GNAQ: variants seen among roughly 807,000 people sequenced by gnomAD.
GNAQ encodes guanine nucleotide-binding protein G(q) subunit alpha.
A neutral mutation model predicts 43.9 loss-of-function variants in GNAQ; 8 were observed. The observed-to-expected ratio is 0.18, with a 90% confidence interval of 0.11 to 0.33. The LOEUF (loss-of-function observed/expected upper bound fraction) is 0.33, where lower values mean the gene tolerates loss of function less well. Ranked by LOEUF, GNAQ falls within the 10% of genes least tolerant of loss-of-function variation. The probability of loss-of-function intolerance (pLI) is 1.00; values close to 1 mark genes in which losing one functional copy is unlikely to be tolerated. For missense variants in GNAQ, 158 were observed against 450.8 expected, an observed-to-expected ratio of 0.35 and a Z score of 5.88; for synonymous variants, 155 against 170.7, an observed-to-expected ratio of 0.91 and a Z score of 0.71.
At chr9:77,864,551 T>C (rs965085682) in intron 2 of GNAQ, among the ~76,000 whole-genome samples, 1 of 152,052 alleles carries the variant, frequency 6.6e-6, no homozygotes, top group African/African-American at 2.4e-5. Context: ...ATGGACCTGA[T>C]CCCTGCTGCT....
chr9:77,851,608 C>G (rs1827676717), intron 2 of GNAQ, among the ~76,000 whole-genome samples: 1 of 152,204 alleles, frequency 6.6e-6, no homozygotes, highest in Non-Finnish European at 1.5e-5. Flanking sequence ...TATTACGTAT[C>G]TCTGCTCTAG....
chr9:77,914,909 T>C (rs1306378999), intron 2 of GNAQ, among the ~76,000 whole-genome samples: 4 of 151,968 alleles, frequency 2.6e-5, no homozygotes, highest in East Asian at 1.9e-4. Context: ...AAAAAATCTC[T>C]ATTGGGCTGG....
chr9:77,776,405 T>G (rs1243587502), intron 5 of GNAQ, among the ~76,000 whole-genome samples: 1 of 152,318 alleles, frequency 6.6e-6, no homozygotes, highest in African/African-American at 2.4e-5. Flanking sequence ...ATGCAAACAG[T>G]AACCAAAAGA....
At chr9:77,864,776 G>A (rs1373393995) in intron 2 of GNAQ, among the ~76,000 whole-genome samples, 1 of 152,194 alleles carries the variant, frequency 6.6e-6, no homozygotes. Context: ...CGTTACAGCA[G>A]CAATAGGAAA....
At chr9:77,829,474 C>T (rs1827261723) in intron 2 of GNAQ, among the ~76,000 whole-genome samples, 1 of 152,200 alleles carries the variant, frequency 6.6e-6, no homozygotes, top group African/African-American at 2.4e-5. Context: ...AAGCCAAGGA[C>T]ACATCTGACT....
chr9:77,818,835 A>G (rs943379491), intron 2 of GNAQ, among the ~76,000 whole-genome samples: 2 of 151,918 alleles, frequency 1.3e-5, no homozygotes, highest in African/African-American at 2.4e-5. Flanking sequence ...CCCCATCTCT[A>G]TAAAAAACAG....
chr9:77,736,096 G>T (rs1257523392), intron 5 of GNAQ, among the ~76,000 whole-genome samples: 1 of 152,182 alleles, frequency 6.6e-6, no homozygotes, highest in African/African-American at 2.4e-5. Context: ...CCCTGGAACT[G>T]CACCTAGTTA....
At chr9:77,742,021 T>C (rs971384598) in intron 5 of GNAQ, among the ~76,000 whole-genome samples, 3 of 152,238 alleles carry the variant, frequency 2.0e-5, no homozygotes, top group Non-Finnish European at 2.9e-5. Context: ...TGATTTATTT[T>C]GTCCATGTTC....
intron 1 of GNAQ, among the ~76,000 whole-genome samples, chr9:77,964,547 C>G (rs1203029457): frequency 6.6e-6 from 1 of 152,052 alleles, no homozygotes; most frequent in Non-Finnish European, 1.5e-5. Flanking sequence ...GGCTATAAAA[C>G]CAGTCTCAAT....
chr9:77,820,999 T>C (rs975204051), intron 2 of GNAQ, among the ~76,000 whole-genome samples: 1 of 152,214 alleles, frequency 6.6e-6, no homozygotes, highest in Non-Finnish European at 1.5e-5. Context: ...TTATCGCTCA[T>C]GTGTTAGACA....
chr9:77,893,004 T>C (rs191165011), intron 2 of GNAQ, among the ~76,000 whole-genome samples: 1,526 of 152,282 alleles, frequency 0.01, 17 homozygotes, highest in Non-Finnish European at 0.013. Flanking sequence ...ATCCATTACT[T>C]AATTATCTAA....
intron 3 of GNAQ, among the ~76,000 whole-genome samples, chr9:77,802,232 A>G (rs1293907712): frequency 6.6e-6 from 1 of 152,118 alleles, no homozygotes; most frequent in Non-Finnish European, 1.5e-5. Context: ...AAGGGATCAA[A>G]GAGCTGCTGC....
chr9:77,883,735 G>A (rs1828255728), intron 2 of GNAQ, among the ~76,000 whole-genome samples: 1 of 152,068 alleles, frequency 6.6e-6, no homozygotes. Flanking sequence ...GTGGACCAGG[G>A]TACAATCAGA....
At chr9:77,783,704 C>G (rs1181747042) in intron 5 of GNAQ, among the ~76,000 whole-genome samples, 1 of 152,172 alleles carries the variant, frequency 6.6e-6, no homozygotes, top group Non-Finnish European at 1.5e-5. Flanking sequence ...GATACTAGCA[C>G]TTCTAGTTTG....
chr9:77,903,926 A>G (rs571341010), intron 2 of GNAQ, among the ~76,000 whole-genome samples: 1 of 96,548 alleles, frequency 1.0e-5, no homozygotes, highest in African/African-American at 2.7e-5. Flanking sequence ...TATTTTAGGG[A>G]AACCCTAAAA....
intron 1 of GNAQ, among the ~76,000 whole-genome samples, chr9:78,000,845 A>G (rs1400127032): frequency 2.0e-5 from 3 of 152,196 alleles, no homozygotes; most frequent in Admixed American, 6.5e-5. Context: ...CCCTCACAGA[A>G]AAAAATGTTT....
intron 2 of GNAQ, among the ~76,000 whole-genome samples, chr9:77,829,986 T>A (rs1827271590): frequency 6.6e-6 from 1 of 152,090 alleles, no homozygotes; most frequent in Non-Finnish European, 1.5e-5. Context: ...GGTCTTACTC[T>A]TTTGCCAGGC....
chr9:77,755,573 T>G (rs969616601), intron 5 of GNAQ, among the ~76,000 whole-genome samples: 4 of 152,236 alleles, frequency 2.6e-5, no homozygotes, highest in Non-Finnish European at 4.4e-5. Flanking sequence ...AACATGTTTG[T>G]GCATGTATAC....
intron 2 of GNAQ, among the ~76,000 whole-genome samples, chr9:77,816,148 A>G (rs909010877): frequency 6.6e-6 from 1 of 152,184 alleles, no homozygotes; most frequent in African/African-American, 2.4e-5. Flanking sequence ...CTCTATGTTT[A>G]TAGTTTATTA....
Sources: gnomAD v4.1 joint callset for allele counts (sites outside exome capture counted in the v4.1 genomes callset) on GRCh38, gnomAD v4.1.1 for gene constraint, MANE v1.5 for transcripts, NCBI Gene and HGNC (gene_info 2026-07-23, HGNC 2026-07-21) for gene names.